The following TBX15 variants were observed in gnomAD, a reference collection of about 807,000 sequenced individuals.
The protein encoded by TBX15 is T-box transcription factor TBX15.
TBX15 carries 18 observed loss-of-function variants against 53.9 expected under a neutral mutation model. The ratio of observed to expected loss-of-function variants is 0.33; its 90% CI spans 0.23 to 0.49. TBX15 has a LOEUF of 0.49. Ranked by LOEUF, TBX15 falls within the 20% of genes least tolerant of loss-of-function variation. TBX15 has a pLI of 0.98. For missense variants in TBX15, 692 were observed against 749.5 expected (o/e 0.92, Z 0.90); for synonymous variants, 295 against 278.0 (o/e 1.06, Z -0.61).
chr1:118,959,329 C>A (rs745523080), intron 1 of TBX15, among the ~76,000 whole-genome samples: 1 of 152,176 alleles, frequency 6.6e-6, no homozygotes, highest in African/African-American at 2.4e-5. Context: ...GCAAGAGAGA[C>A]CATCAGCTCT....
intron 1 of TBX15, among the ~76,000 whole-genome samples, chr1:118,969,289 G>A (rs952300281): frequency 6.6e-6 from 1 of 152,150 alleles, no homozygotes; most frequent in African/African-American, 2.4e-5. Context: ...ATTATTATAG[G>A]GGTGTCAAGG....
chr1:118,884,336 G>T lies in TBX15; in HGVS notation c.*396C>A, dbSNP rs1653841668. 3.8e-6 allele frequency: 1 copy of T among 265,722 alleles called. No individual in the cohort carries two copies. Among genetic ancestry groups the T allele is most frequent in the Admixed American group, 5.0e-5 (1 of 19,858 alleles). 16.5% of individuals were successfully genotyped at this position (265,722 alleles called of 1,614,324 possible). On this transcript the variant is annotated 3_prime_UTR_variant, in exon 8 of 8. Coordinates refer to ENST00000369429, the MANE Select transcript of TBX15 (RefSeq NM_001330677.2). ...GTATGAATTGTGTATGAATATGTAT[G>T]TGTGTGTGCACGTATGTATAGGTAG... is the stretch of plus-strand genomic sequence containing the variant.
intron 1 of TBX15, among the ~76,000 whole-genome samples, chr1:118,965,928 T>A (rs184027406): frequency 1.3e-5 from 2 of 152,334 alleles, no homozygotes; most frequent in East Asian, 3.9e-4. Flanking sequence ...CATACATGTA[T>A]GTGGAATGAT....
At chr1:118,915,015 C>A (rs1466967459) in intron 5 of TBX15, among the ~76,000 whole-genome samples, 5 of 152,216 alleles carry the variant, frequency 3.3e-5, no homozygotes, top group Non-Finnish European at 7.3e-5. Context: ...TTCTGGCAAA[C>A]CCTGCCATGG....
chr1:118,987,671 A>G lies in TBX15; in HGVS notation c.125T>C (p.Leu42Pro). ...LRDWEEKGLDLSMEALSPAGP... is the reference protein window; with the variant it reads ...LRDWEEKGLDPSMEALSPAGP... ...CGCGGGGCTCAGCGCCTCCATAGAC[A>G]GGTCCAGCCCCTTCTCCTCCCAGTC... The change falls in exon 1 of 8, where the codon CTG becomes CCG. Residue 42 changes from leucine (L) to proline (P), a missense_variant. Transcript: ENST00000369429. The G allele has an allele frequency of 1.3e-6, 2 of 1,550,242 alleles. No homozygotes were observed. Among genetic ancestry groups the G allele is most frequent in the Non-Finnish European group, 1.7e-6 (2 of 1,146,800 alleles).
intron 7 of TBX15, among the ~76,000 whole-genome samples, chr1:118,893,305 G>GGAAGGAAGGAAT (rs1654226356): frequency 8.9e-6 from 1 of 111,878 alleles, no homozygotes; most frequent in African/African-American, 4.0e-5. Context: ...AAGGAAGGAA[G>GGAAGGAAGGAAT]GAAGGAAGGA....
At chr1:118,949,811 G>C (rs910433136) in intron 1 of TBX15, among the ~76,000 whole-genome samples, 3 of 152,096 alleles carry the variant, frequency 2.0e-5, no homozygotes, top group African/African-American at 7.2e-5. Context: ...GAAAATGGGA[G>C]AAAAATACAA....
At chr1:118,893,539 ATGGAAGGAAGGAAGGAAGG>A (rs1557872914) in intron 7 of TBX15, among the ~76,000 whole-genome samples, 39 of 130,510 alleles carry the variant, frequency 3.0e-4, no homozygotes, top group African/African-American at 1.1e-3. Flanking sequence ...GGAAAGAAAG[ATGGAAGGAAGGAAGGAAGG>A]AAAGAAGGAA....
chr1:118,937,212 A>G (rs1383730542), intron 1 of TBX15, among the ~76,000 whole-genome samples: 1 of 152,208 alleles, frequency 6.6e-6, no homozygotes, highest in Non-Finnish European at 1.5e-5. Context: ...GTTTCAGAGA[A>G]TTACAAACAA....
At chr1:118,982,015 A>G (rs1239971074) in intron 1 of TBX15, among the ~76,000 whole-genome samples, 1 of 152,260 alleles carries the variant, frequency 6.6e-6, no homozygotes, top group Non-Finnish European at 1.5e-5. Flanking sequence ...AGGTCAAAAC[A>G]TAAAGCTCAG....
intron 1 of TBX15, among the ~76,000 whole-genome samples, chr1:118,937,824 T>G (rs2101627108): frequency 6.6e-6 from 1 of 152,332 alleles, no homozygotes; most frequent in East Asian, 1.9e-4. Context: ...GACAGCCACT[T>G]CTTGATCTAG....
intron 1 of TBX15, among the ~76,000 whole-genome samples, chr1:118,986,788 C>T (rs966532584): frequency 6.6e-6 from 1 of 152,220 alleles, no homozygotes; most frequent in East Asian, 1.9e-4. Context: ...ACTCAAGATT[C>T]TTCCGACAAC....
chr1:118,971,783 ATAGGCATC>A (rs1657242409), intron 1 of TBX15, among the ~76,000 whole-genome samples: 1 of 152,258 alleles, frequency 6.6e-6, no homozygotes, highest in Admixed American at 6.5e-5. Flanking sequence ...CCCCTTGGGT[ATAGGCATC>A]AATTGCCCAA....
chr1:118,932,972 A>G (rs1266565627), intron 1 of TBX15, among the ~76,000 whole-genome samples: 1 of 152,144 alleles, frequency 6.6e-6, no homozygotes, highest in African/African-American at 2.4e-5. Flanking sequence ...TAAAGGCTGG[A>G]AACAAGTGTT....
intron 1 of TBX15, among the ~76,000 whole-genome samples, chr1:118,939,486 A>G (rs1416643211): frequency 6.7e-6 from 1 of 148,910 alleles, no homozygotes; most frequent in Non-Finnish European, 1.5e-5. Flanking sequence ...TATAAGTGAG[A>G]GCTAAACATT....
Position 118,885,092 on chromosome 1 carries a change from T to C in TBX15, c.1449A>G (p.Ala483=). The stretch of plus-strand genomic sequence containing the variant: ...ATGAGGAGCTGGAGGCAGCATTGCC[T>C]GCCTGCATGACATACTGAAACTGGG... ...PTSQFQYVMQ[A]GNAASSSSSP... Residue 483 remains alanine (A), a synonymous_variant, in exon 8 of 8, where the codon GCA becomes GCG. Transcript: ENST00000369429. 6.2e-7 allele frequency: 1 copy of C among 1,614,214 alleles called. No individual in the cohort carries two copies. Among genetic ancestry groups the C allele is most frequent in the Non-Finnish European group, 8.5e-7 (1 of 1,180,038 alleles).
At chr1:118,966,069 G>GT (rs150847356) in intron 1 of TBX15, among the ~76,000 whole-genome samples, 1,955 of 152,172 alleles carry the variant, frequency 0.013, 34 homozygotes, top group African/African-American at 0.044. Context: ...AATTATCTGA[G>GT]TTTTTTAAAA....
At chr1:118,974,976 G>A (rs1035170774) in intron 1 of TBX15, among the ~76,000 whole-genome samples, 9 of 152,284 alleles carry the variant, frequency 5.9e-5, no homozygotes, top group South Asian at 4.1e-4. Flanking sequence ...CGAATTGCCC[G>A]TCATTGCAAC....
At chr1:118,976,547 C>G (rs1287782586) in intron 1 of TBX15, among the ~76,000 whole-genome samples, 1 of 152,200 alleles carries the variant, frequency 6.6e-6, no homozygotes, top group African/African-American at 2.4e-5. Context: ...TATTCCACTT[C>G]CCTGCATTCA....
Sources: gnomAD v4.1 joint callset for allele counts (sites outside exome capture counted in the v4.1 genomes callset) on GRCh38, gnomAD v4.1.1 for gene constraint, MANE v1.5 for transcripts, NCBI Gene and HGNC (gene_info 2026-07-23, HGNC 2026-07-21) for gene names.